The following LMTK2 variants were observed in gnomAD, a reference collection of about 807,000 sequenced individuals.
LMTK2 encodes the protein serine/threonine-protein kinase LMTK2.
Under a neutral mutation model 127.5 loss-of-function variants are expected in LMTK2, and 37 were observed. The ratio of observed to expected loss-of-function variants is 0.29; its 90% CI spans 0.22 to 0.38. The LOEUF (loss-of-function observed/expected upper bound fraction) is 0.38. Among genes scored for constraint, LMTK2 ranks in the 10% least tolerant of loss-of-function variants. LMTK2 has a pLI of 1.00. For synonymous variants in LMTK2, 819 were observed against 810.1 expected (o/e 1.01, Z -0.19); for missense variants, 1,694 against 1,920.3 (o/e 0.88, Z 2.20).
chr7:98,185,101 TG>T lies in LMTK2; in HGVS notation c.845del (p.Gly282GlufsTer5). The T allele has an allele frequency of 6.2e-7, 1 of 1,612,696 alleles. No homozygotes were observed. The highest frequency in any genetic ancestry group is 8.5e-7 in the Non-Finnish European group (1 of 1,178,854). ...CFLTSDLNVK[V>X]GDYGIGFSRY... is the part of the protein sequence containing the mutation. ...CTCACCTCCGACTTAAATGTGAAAGTGGGAGATTACGGAATAGGATTCAGCA... is the reference window on the plus strand; with the variant it reads ...CTCACCTCCGACTTAAATGTGAAAGTGGAGATTACGGAATAGGATTCAGCA... On this transcript the variant is annotated frameshift_variant, in exon 8 of 14. Transcript: ENST00000297293. LOFTEE classifies it high-confidence loss of function.
Position 98,205,580 on chromosome 7 carries a change from G to A in LMTK2, c.*88G>A, listed in dbSNP as rs1035206364. 6 of 1,352,624 alleles carry A rather than the reference G, an allele frequency of 4.4e-6. No homozygotes were observed. The highest frequency in any genetic ancestry group is 4.3e-5 in the African/African-American group (3 of 69,476). 83.8% of individuals were successfully genotyped at this position (1,352,624 alleles called of 1,614,324 possible). A position where few individuals can be genotyped will look rare whatever the true frequency, so the allele number is the denominator to read the frequency against. On this transcript the variant is annotated 3_prime_UTR_variant, in exon 14 of 14. Coordinates refer to ENST00000297293, the MANE Select transcript of LMTK2 (RefSeq NM_014916.4). ...TCAGCCCGAGCAGCGACATCCACTC[G>A]CCATTTGCTGACATGAGATTGGGAG...
rs1036758622 is a variant in LMTK2, at chr7:98,194,378, A to G, written c.3913A>G (p.Ser1305Gly). ...GGACCTGCGGGCCTTCAACCTGCAT[A>G]GCCTCAGCTCCGAGTCGGAGGACGA... ...DEDLRAFNLH[S>G]LSSESEDETE... is the part of the protein sequence containing the mutation. Residue 1305 changes from serine to glycine, a missense_variant, in exon 11 of 14, where the codon AGC (serine) becomes GGC (glycine). Transcript: ENST00000297293. This position sits in a 1 kb window ranked among gnomAD's most constrained non-coding sequence, Gnocchi z 5.4. The G allele has an allele frequency of 2.5e-6, 4 of 1,614,172 alleles. No homozygotes were observed. The highest frequency in any genetic ancestry group is 1.3e-5 in the African/African-American group (1 of 75,032).
At chr7:98,147,627 G>T (rs1308069605) in intron 3 of LMTK2, among the ~76,000 whole-genome samples, 2 of 151,998 alleles carry the variant, frequency 1.3e-5, no homozygotes, top group Non-Finnish European at 2.9e-5. Context: ...TATGTCTCTT[G>T]GTTTATTTGA....
At chr7:98,141,111 G>A (rs1796692499) in intron 2 of LMTK2, among the ~76,000 whole-genome samples, 2 of 150,274 alleles carry the variant, frequency 1.3e-5, no homozygotes, top group African/African-American at 4.9e-5. Flanking sequence ...GTAGTCATTT[G>A]AGAGTAAATT....
chr7:98,174,450 TA>T (rs1397649093), intron 7 of LMTK2, among the ~76,000 whole-genome samples: 1 of 152,192 alleles, frequency 6.6e-6, no homozygotes, highest in African/African-American at 2.4e-5. Flanking sequence ...GAAAGCCATG[TA>T]AACAGCAGGC....
intron 5 of LMTK2, among the ~76,000 whole-genome samples, chr7:98,156,445 A>G (rs572245005): frequency 3.2e-4 from 49 of 152,038 alleles, no homozygotes; most frequent in Admixed American, 2.6e-3. Context: ...AGCCTGGGCG[A>G]CAGAACAAGA....
intron 2 of LMTK2, among the ~76,000 whole-genome samples, chr7:98,139,272 T>A (rs1355502187): frequency 6.6e-6 from 1 of 152,038 alleles, no homozygotes; most frequent in Non-Finnish European, 1.5e-5. Context: ...ACGCCATCAT[T>A]CCCTGCTAAG....
At chr7:98,110,784 G>A (rs879883228) in intron 1 of LMTK2, among the ~76,000 whole-genome samples, 1 of 152,238 alleles carries the variant, frequency 6.6e-6, no homozygotes, top group African/African-American at 2.4e-5. Flanking sequence ...ACAGAGTACA[G>A]AGGAAGCTTT....
intron 4 of LMTK2, among the ~76,000 whole-genome samples, chr7:98,152,920 G>A (rs925526201): frequency 2.0e-5 from 3 of 152,134 alleles, no homozygotes; most frequent in East Asian, 1.9e-4. Context: ...ATGTTCAGAC[G>A]AGAGCATGCG....
intron 1 of LMTK2, among the ~76,000 whole-genome samples, chr7:98,133,136 G>A (rs576598775): frequency 6.6e-6 from 1 of 152,278 alleles, no homozygotes; most frequent in South Asian, 2.1e-4. Context: ...TCAGTGTCTT[G>A]GGGAAAGCAT....
At chr7:98,160,783 G>GC (rs1393354477) in intron 6 of LMTK2, among the ~76,000 whole-genome samples, 5 of 152,156 alleles carry the variant, frequency 3.3e-5, no homozygotes, top group Admixed American at 6.6e-5. Context: ...TGTTATGTAG[G>GC]CATGAACATT....
intron 3 of LMTK2, among the ~76,000 whole-genome samples, chr7:98,142,107 C>A (rs1425618739): frequency 1.3e-5 from 2 of 151,700 alleles, no homozygotes; most frequent in Non-Finnish European, 2.9e-5. Flanking sequence ...TTAAGAAATT[C>A]TTATTCTGTG....
chr7:98,197,238 T>G (rs1420039458), intron 11 of LMTK2, among the ~76,000 whole-genome samples: 1 of 152,242 alleles, frequency 6.6e-6, no homozygotes, highest in African/African-American at 2.4e-5. Flanking sequence ...CTTCCCCATG[T>G]GGGGGTGGTT....
At chr7:98,154,698 G>A in intron 4 of LMTK2, 60 bp from the exon 5 acceptor site, 1 of 1,067,468 alleles carries the variant, frequency 9.4e-7, no homozygotes. Context: ...CCCGGTAAAT[G>A]CAGCAGACTC....
intron 3 of LMTK2, 89 bp downstream of exon 3, chr7:98,141,630 C>T: frequency 1.6e-6 from 2 of 1,239,620 alleles, no homozygotes; most frequent in Non-Finnish European, 1.2e-6. Flanking sequence ...ATTGGACTGC[C>T]CATCTCCTCT....
intron 7 of LMTK2, among the ~76,000 whole-genome samples, chr7:98,182,432 A>G (rs1199679179): frequency 2.0e-5 from 3 of 152,244 alleles, no homozygotes; most frequent in African/African-American, 7.2e-5. Flanking sequence ...GAAAGTGTGT[A>G]TTTCCTTCTC....
At chr7:98,175,648 C>G (rs1028182361) in intron 7 of LMTK2, among the ~76,000 whole-genome samples, 4 of 152,226 alleles carry the variant, frequency 2.6e-5, no homozygotes, top group Non-Finnish European at 5.9e-5. Flanking sequence ...CCTTATTTCC[C>G]TTTCTACATG....
chr7:98,172,655 C>A (rs1462844140), intron 7 of LMTK2, among the ~76,000 whole-genome samples: 1 of 152,182 alleles, frequency 6.6e-6, no homozygotes, highest in Non-Finnish European at 1.5e-5. Context: ...TTTCTTTAGT[C>A]AACTTTAAGT....
In LMTK2 at chr7:98,193,704, A is replaced by T; in HGVS notation, c.3239A>T (p.Asp1080Val). 3 of 1,613,828 alleles carry T rather than the reference A, an allele frequency of 1.9e-6. No individual in the cohort carries two copies. Among genetic ancestry groups the T allele is most frequent in the Non-Finnish European group, 2.5e-6 (3 of 1,179,984 alleles). ...GTCATTGTCATCTCAGATGCCGGCG[A>T]TGGTCACAGAGGCACAGAAGTGACC... ...NPVIVISDAG[D>V]GHRGTEVTPE... The change falls in exon 11 of 14, where the codon GAT becomes GTT. Residue 1080 changes from aspartate to valine, a missense_variant. Physicochemically the swap from Asp to Val is radical, Grantham distance 152 (BLOSUM62 -3). This residue lies in a region of LMTK2 where 554 missense variants were observed against 567.7 expected (regional missense o/e 0.98). Coordinates refer to ENST00000297293, the MANE Select transcript of LMTK2 (RefSeq NM_014916.4). The surrounding 1 kb of genome is among the most constrained non-coding windows in gnomAD (Gnocchi z 4.1).
Sources: gnomAD v4.1 joint callset for allele counts (sites outside exome capture counted in the v4.1 genomes callset) on GRCh38, gnomAD v4.1.1 for gene constraint, gnomAD v4.1.1 regional missense constraint, Gnocchi (gnomAD v3.1) non-coding constraint, MANE v1.5 for transcripts, NCBI Gene and HGNC (gene_info 2026-07-23, HGNC 2026-07-21) for gene names.